SVEP1: variants seen among roughly 807,000 people sequenced by gnomAD.
SVEP1 encodes sushi, von Willebrand factor type A, EGF and pentraxin domain-containing protein 1.
SVEP1 carries 164 observed loss-of-function variants against 367.3 expected under a neutral mutation model. The ratio of observed to expected loss-of-function variants is 0.45; its 90% CI spans 0.39 to 0.51. The LOEUF (loss-of-function observed/expected upper bound fraction) is 0.51, where lower values mean the gene tolerates loss of function less well. Ranked by LOEUF, SVEP1 falls within the 20% of genes least tolerant of loss-of-function variation. SVEP1 has a pLI of 0.00. For synonymous variants in SVEP1, 1,666 were observed against 1,611.6 expected, an observed-to-expected ratio of 1.03 and a Z score of -0.81; for missense variants, 4,117 against 4,425.3, an observed-to-expected ratio of 0.93 and a Z score of 1.98.
chr9:110,545,328 T>C (rs1237400623), intron 3 of SVEP1, among the ~76,000 whole-genome samples: 9 of 152,220 alleles, frequency 5.9e-5, no homozygotes, highest in Non-Finnish European at 1.2e-4. Context: ...TTTTAGTTTT[T>C]TGAGGAACCT....
chr9:110,504,363 G>A (rs1829591129), intron 5 of SVEP1, among the ~76,000 whole-genome samples: 1 of 152,026 alleles, frequency 6.6e-6, no homozygotes, highest in Non-Finnish European at 1.5e-5. Context: ...CCCGCCCTTG[G>A]AAAGCTTTTT....
chr9:110,550,078 G>C lies in SVEP1; in HGVS notation c.558C>G (p.Asn186Lys). The change falls in exon 2 of 48, where the codon AAC becomes AAG. Residue 186 changes from asparagine to lysine, a missense_variant. Physicochemically the swap from Asn to Lys is moderately conservative, Grantham distance 94. Around this residue, in one of 4 missense-constraint regions of SVEP1, gnomAD observed 2,174 missense variants for 2,494.3 expected, o/e 0.87. Transcript: ENST00000374469. ...AAQILLHARE[N>K]STKVVFLITD... ...TGATGAGAAATACAACTTTTGTTGA[G>C]TTTTCTCTAGCATGAAGAAGAATTT... 6.2e-7 allele frequency: 1 copy of C among 1,613,964 alleles called. No homozygotes were observed. The highest frequency in any genetic ancestry group is 8.5e-7 in the Non-Finnish European group (1 of 1,179,828).
intron 1 of SVEP1, among the ~76,000 whole-genome samples, chr9:110,553,669 C>A (rs1830319114): frequency 6.6e-6 from 1 of 152,146 alleles, no homozygotes; most frequent in Non-Finnish European, 1.5e-5. Context: ...TGGCTTCAAA[C>A]AGAAGCCCAG....
chr9:110,413,163 T>G (rs1159920297), intron 36 of SVEP1, among the ~76,000 whole-genome samples: 2 of 135,506 alleles, frequency 1.5e-5, no homozygotes, highest in Non-Finnish European at 3.2e-5. Context: ...AATGATAGAC[T>G]GGATTAAGAA....
intron 1 of SVEP1, among the ~76,000 whole-genome samples, chr9:110,562,078 C>T (rs1396709717): frequency 2.0e-5 from 3 of 151,894 alleles, no homozygotes; most frequent in Non-Finnish European, 4.4e-5. Flanking sequence ...GACAGTACAT[C>T]AAATTGGGAA....
intron 1 of SVEP1, among the ~76,000 whole-genome samples, chr9:110,551,141 G>A (rs1274420395): frequency 6.6e-6 from 1 of 152,196 alleles, no homozygotes; most frequent in Non-Finnish European, 1.5e-5. Context: ...AGGTAGGCAG[G>A]AAGAGTGACA....
At chr9:110,553,779 G>A (rs1205666802) in intron 1 of SVEP1, among the ~76,000 whole-genome samples, 9 of 152,046 alleles carry the variant, frequency 5.9e-5, no homozygotes, top group African/African-American at 1.9e-4. Context: ...CAAATGATAC[G>A]CGCTTAATAA....
chr9:110,382,843 G>A (rs747810550), intron 43 of SVEP1, among the ~76,000 whole-genome samples: 10 of 151,972 alleles, frequency 6.6e-5, no homozygotes, highest in Non-Finnish European at 1.3e-4. Context: ...CCTCCACTTG[G>A]TCCATTCAGC....
At chr9:110,474,312 T>C (rs1588071074) in intron 14 of SVEP1, among the ~76,000 whole-genome samples, 1 of 152,216 alleles carries the variant, frequency 6.6e-6, no homozygotes, top group East Asian at 1.9e-4. Context: ...GTTTTAATTT[T>C]ATATTACATG....
In SVEP1 at chr9:110,407,784, G is replaced by C. The variant is rs1434023416; in HGVS notation, c.7816C>G (p.Pro2606Ala). 5.0e-6 allele frequency: 8 copies of C among 1,613,950 alleles called. No homozygotes were observed. The highest frequency in any genetic ancestry group is 6.8e-6 in the Non-Finnish European group (8 of 1,179,880). ...CCACAGTCTATTGGCATACATGTTG[G>C]GATGGAACTTGACCATCCTGACTCT... ...CEESGWSSSI[P>A]TCMPIDCGLP... Residue 2606 changes from proline to alanine, a missense_variant, in exon 38 of 48, where the codon CCA (proline) becomes GCA (alanine). Around this residue, in one of 4 missense-constraint regions of SVEP1, gnomAD observed 1,765 missense variants for 1,781.1 expected, o/e 0.99. Transcript: ENST00000374469.
In SVEP1 at chr9:110,387,195, A is replaced by G. The variant is rs977536075; in HGVS notation, c.10060+90T>C. On this transcript the variant is annotated intron_variant, in intron 42 of 47. Coordinates refer to ENST00000374469, the MANE Select transcript of SVEP1 (RefSeq NM_153366.4). ...TGCTTTCTCTGGGCCCATATCCCTT[A>G]TGAGTGGAGCTTCCTCTATGTTTTG... The G allele has an allele frequency of 2.9e-6, 4 of 1,371,242 alleles. No individual in the cohort carries two copies. In the African/African-American group the frequency reaches 5.9e-5, roughly 20 times the overall value. The allele number at this position is 1,371,242 out of a possible 1,614,324, so 84.9% of individuals were successfully genotyped here. A position where few individuals can be genotyped will look rare whatever the true frequency, so the allele number is the denominator to read the frequency against.
chr9:110,494,598 G>T (rs769496361), intron 8 of SVEP1, among the ~76,000 whole-genome samples: 6 of 152,100 alleles, frequency 3.9e-5, no homozygotes, highest in Admixed American at 3.9e-4. Flanking sequence ...TTTCTACCAA[G>T]AAATTTCTTT....
chr9:110,393,460 G>C (rs1190050991), intron 40 of SVEP1, among the ~76,000 whole-genome samples: 2 of 152,190 alleles, frequency 1.3e-5, no homozygotes, highest in South Asian at 2.1e-4. Context: ...CAGAAGACGG[G>C]TGATTTCTGC....
At chr9:110,379,573 C>G (rs1011596646) in intron 43 of SVEP1, 56 bp from the exon 44 acceptor site, 1 of 1,556,246 alleles carries the variant, frequency 6.4e-7, no homozygotes, top group African/African-American at 1.4e-5. Context: ...ACTGAGAACA[C>G]AGTCTCATCT....
intron 8 of SVEP1, among the ~76,000 whole-genome samples, chr9:110,496,043 A>C (rs1256005400): frequency 1.3e-5 from 2 of 152,230 alleles, no homozygotes; most frequent in African/African-American, 4.8e-5. Context: ...ACAATAATAC[A>C]ACAAATCCAT....
rs1175095285 is a variant in SVEP1, at chr9:110,406,476, A to G, written c.9124T>C (p.Ser3042Pro). 2 of 1,613,850 alleles carry G rather than the reference A, an allele frequency of 1.2e-6. No homozygotes were observed. The highest frequency in any genetic ancestry group is 1.7e-6 in the Non-Finnish European group (2 of 1,179,902). ...CFKGFKLLGLSEITCEADGQW... is the reference protein window; with the variant it reads ...CFKGFKLLGLPEITCEADGQW... ...CCATCGGCTTCACAGGTGATTTCAG[A>G]AAGTCCTAGGAGCTTGAAGCCTTTG... The change falls in exon 38 of 48, where the codon TCT becomes CCT. Residue 3042 changes from serine to proline, a missense_variant. Physicochemically the swap from Ser to Pro is moderately conservative, Grantham distance 74 (BLOSUM62 -1). Coordinates refer to ENST00000374469, the MANE Select transcript of SVEP1 (RefSeq NM_153366.4).
chr9:110,412,935 T>C (rs1828065112), intron 36 of SVEP1, among the ~76,000 whole-genome samples: 1 of 151,114 alleles, frequency 6.6e-6, no homozygotes. Flanking sequence ...ACTTTTACAC[T>C]GTTGGTGGGA....
intron 35 of SVEP1, among the ~76,000 whole-genome samples, chr9:110,428,429 C>CACACACACACACACACA (rs60798857): frequency 4.6e-5 from 7 of 151,108 alleles, no homozygotes; most frequent in Non-Finnish European, 7.4e-5. Flanking sequence ...CACACACACA[C>CACACACACACACACACA]CATTAATCTC....
chr9:110,367,803 A>C (rs1225825781), intron 47 of SVEP1, among the ~76,000 whole-genome samples: 1 of 152,122 alleles, frequency 6.6e-6, no homozygotes, highest in Non-Finnish European at 1.5e-5. Flanking sequence ...TGTCCTGGCC[A>C]GGCACGGTGG....
Sources: allele counts gnomAD v4.1 joint callset (sites outside exome capture counted in the v4.1 genomes callset), GRCh38; gene constraint gnomAD v4.1.1; regional missense constraint gnomAD v4.1.1; transcripts MANE v1.5; gene names NCBI Gene and HGNC (gene_info 2026-07-23, HGNC 2026-07-21).